The following C17orf107 variants were observed in gnomAD, a reference collection of about 807,000 sequenced individuals.
The protein encoded by C17orf107 is uncharacterized protein C17orf107.
In C17orf107, 9 loss-of-function variants were observed where a neutral mutation model predicts 8.9. The observed-to-expected ratio is 1.02, with a 90% CI of 0.61 to 1.77. The LOEUF (loss-of-function observed/expected upper bound fraction) is 1.77. C17orf107 is among the 40% of genes most tolerant of loss of function. The pLI is 0.00. For synonymous variants in C17orf107, 139 were observed against 120.3 expected (o/e 1.16, Z -1.02); for missense variants, 281 against 249.0 (o/e 1.13, Z -0.86).
chr17:4,902,099 G>C lies in C17orf107; in HGVS notation c.*1566G>C. ...ACTGGCCATCAATACTGTGGGCTCGGGGAAACCGAGCTTTTTGCACAGGTC... is the reference window on the plus strand; with the variant it reads ...ACTGGCCATCAATACTGTGGGCTCGCGGAAACCGAGCTTTTTGCACAGGTC... On this transcript the variant is annotated 3_prime_UTR_variant, in exon 3 of 3. Coordinates refer to ENST00000381365, the MANE Select transcript of C17orf107 (RefSeq NM_001145536.2). The surrounding 1 kb of genome is among the most constrained non-coding windows in gnomAD (Gnocchi z 4.0). 6.2e-7 allele frequency: 1 copy of C among 1,613,802 alleles called. No homozygotes were observed. Among genetic ancestry groups the C allele is most frequent in the South Asian group, 1.1e-5 (1 of 91,074 alleles).
chr17:4,901,883 G>GC lies in C17orf107; in HGVS notation c.*1350_*1351insC. The GC allele has an allele frequency of 8.2e-7, 1 of 1,215,806 alleles. No individual in the cohort carries two copies. 75.3% of individuals were successfully genotyped at this position (1,215,806 alleles called of 1,614,324 possible). The stretch of plus-strand genomic sequence containing the variant: ...CTTCCCGGTTGGCCCCGCCCCATAA[G>GC]GCCCCCCCCCAACAATAATCGTCCG... On this transcript the variant is annotated 3_prime_UTR_variant, in exon 3 of 3. Coordinates refer to ENST00000381365, the MANE Select transcript of C17orf107 (RefSeq NM_001145536.2).
At position 4,899,938 on chromosome 17, in the gene C17orf107, G is replaced by A; in HGVS notation, c.69G>A (p.Val23=). 6.5e-6 allele frequency: 10 copies of A among 1,550,386 alleles called. No individual in the cohort carries two copies. The highest frequency in any genetic ancestry group is 7.9e-6 in the Non-Finnish European group (9 of 1,146,278). The change falls in exon 2 of 3, where the codon GTG becomes GTA. Residue 23 remains valine (V), a splice_region_variant and synonymous_variant. Coordinates refer to ENST00000381365, the MANE Select transcript of C17orf107 (RefSeq NM_001145536.2). The part of the protein sequence containing the change: ...WIYHFHSSTE[V]ALQPPLLSSL... The stretch of plus-strand genomic sequence containing the variant: ...CTACTGCTCTGCTCCTTCTCCAGGT[G>A]GCCCTCCAGCCCCCGCTTCTGTCTT...
In C17orf107 at chr17:4,901,043, G is replaced by A. The variant is rs753951775; in HGVS notation, c.*510G>A. 3.1e-6 allele frequency: 5 copies of A among 1,613,914 alleles called. No individual in the cohort carries two copies. In the African/African-American group the frequency reaches 5.3e-5, roughly 17 times the overall value. ...CACCAGGCCCGAGATGAGCACACAG[G>A]GCACGATGATGTTAATGACGTAGAA... On this transcript the variant is annotated 3_prime_UTR_variant, in exon 3 of 3. Transcript: ENST00000381365.
downstream of C17orf107, among the ~76,000 whole-genome samples, chr17:4,906,038 T>C (rs543716360): frequency 7.2e-5 from 11 of 152,274 alleles, no homozygotes; most frequent in Middle Eastern, 3.4e-3. Context: ...TCCCCCTACT[T>C]TGCATGTCCC....
rs76421344 is a variant in C17orf107, at chr17:4,899,850, G to A, written c.66+22G>A. 2.1e-3 allele frequency: 3,312 copies of A among 1,551,020 alleles called. 68 individuals are homozygous for A. The African/African-American group carries it at 0.04, about 19-fold the overall frequency. On this transcript the variant is annotated intron_variant, in intron 1 of 2. Transcript: ENST00000381365. ...CGAGGTGAGGCTACGCCCGCCAAGG[G>A]CTGCACCTCGAGACCTTCTGGGTAG...
At chr17:4,906,652 A>G (rs1320137230), downstream of C17orf107, among the ~76,000 whole-genome samples, 1 of 152,180 alleles carries the variant, frequency 6.6e-6, no homozygotes, top group Non-Finnish European at 1.5e-5. Flanking sequence ...TGGGAGTTCA[A>G]GACCAGCCTG....
downstream of C17orf107, among the ~76,000 whole-genome samples, chr17:4,904,165 TTTTG>T (rs1567640979): frequency 6.6e-6 from 1 of 151,962 alleles, no homozygotes; most frequent in Non-Finnish European, 1.5e-5. Context: ...CCTCGATGTT[TTTTG>T]TTTTTCTGTT....
rs1480710584 is a variant in C17orf107 at position 4,900,406 on chromosome 17, A to G, written c.446A>G (p.Gln149Arg). 1 of 1,550,650 alleles carries G rather than the reference A, an allele frequency of 6.4e-7. No individual in the cohort carries two copies. The highest frequency in any genetic ancestry group is 2.0e-5 in the Admixed American group (1 of 50,988). The change falls in exon 3 of 3, where the codon CAG (glutamine) becomes CGG (arginine). Residue 149 changes from glutamine to arginine, a missense_variant. By Grantham distance (43) the Gln-to-Arg change is conservative. Transcript: ENST00000381365. ...AVGASARLLV[Q>R]GAWLCLCGRG... ...GGCGCCAGCGCCCGGCTCCTAGTCC[A>G]GGGAGCATGGCTATGCCTGTGTGGA...
downstream of C17orf107, chr17:4,902,989 C>T: frequency 1.2e-6 from 2 of 1,613,862 alleles, no homozygotes; most frequent in Non-Finnish European, 8.5e-7. This position sits in a 1 kb window ranked among gnomAD's most constrained non-coding sequence, Gnocchi z 4.0. Context: ...CTGTGTGTGT[C>T]CAATTGCCCC....
In C17orf107 at chr17:4,900,551, G is replaced by A; in HGVS notation, c.*18G>A. On this transcript the variant is annotated 3_prime_UTR_variant, in exon 3 of 3. Transcript: ENST00000381365. ...TGAGTTAGGGGCCAGAGGCGGCGGG[G>A]CTAGGGAGGCACTGAGCCGGACTGT... 6.4e-7 allele frequency: 1 copy of A among 1,550,436 alleles called. No individual in the cohort carries two copies. The highest frequency in any genetic ancestry group is 8.7e-7 in the Non-Finnish European group (1 of 1,146,932).
At position 4,899,583 on chromosome 17, in the gene C17orf107, C is replaced by T. The variant is rs1407243713; in HGVS notation, c.-180C>T. On this transcript the variant is annotated 5_prime_UTR_variant, in exon 1 of 3. Transcript: ENST00000381365. The stretch of plus-strand genomic sequence containing the variant: ...GACCACCATGACGAAAATAAGGAAC[C>T]TGAGGAGCCCGGAAGGCATGACATC... 4 of 1,573,604 alleles carry T rather than the reference C, an allele frequency of 2.5e-6. No homozygotes were observed. Among genetic ancestry groups the T allele is most frequent in the Non-Finnish European group, 2.6e-6 (3 of 1,158,780 alleles).
rs1969963663 is a variant in C17orf107, at chr17:4,900,964, G to A, written c.*431G>A. 9 of 1,613,974 alleles carry A rather than the reference G, an allele frequency of 5.6e-6. No individual in the cohort carries two copies. In the East Asian group the frequency reaches 6.7e-5, roughly 12 times the overall value. On this transcript the variant is annotated 3_prime_UTR_variant, in exon 3 of 3. Transcript: ENST00000381365. The stretch of plus-strand genomic sequence containing the variant: ...CCTCCCGGGAGCGAGCCCGGGTTTG[G>A]GGGTAGGTTCGGGGCCACTGCTTAC...
At position 4,900,612 on chromosome 17, in the gene C17orf107, C is replaced by T. The variant is rs1312564436; in HGVS notation, c.*79C>T. On this transcript the variant is annotated 3_prime_UTR_variant, in exon 3 of 3. Transcript: ENST00000381365. ...AGCTACTCGGGAGACCTCCAGGTGA[C>T]GTCCAGCAGCAGTGAGGAGGACGGC... The T allele has an allele frequency of 2.0e-6, 3 of 1,523,312 alleles. No homozygotes were observed. Among genetic ancestry groups the T allele is most frequent in the South Asian group, 1.2e-5 (1 of 83,280 alleles). The allele number at this position is 1,523,312 out of a possible 1,614,324, so 94.4% of individuals were successfully genotyped here. A position where few individuals can be genotyped will look rare whatever the true frequency, so the allele number is the denominator to read the frequency against.
At position 4,902,525 on chromosome 17, in the gene C17orf107, G is replaced by A. The variant is rs748430826; in HGVS notation, c.*1992G>A. On this transcript the variant is annotated 3_prime_UTR_variant, in exon 3 of 3. Transcript: ENST00000381365. The surrounding 1 kb of genome is among the most constrained non-coding windows in gnomAD (Gnocchi z 4.0). ...GATGGGAGATGGGGATGATTGAAGT[G>A]AGATTTCAGGGCCAGAAGTGAGCTT... is the stretch of plus-strand genomic sequence containing the variant. 1 of 1,614,174 alleles carries A rather than the reference G, an allele frequency of 6.2e-7. No individual in the cohort carries two copies. Among genetic ancestry groups the A allele is most frequent in the Non-Finnish European group, 8.5e-7 (1 of 1,180,026 alleles).
Position 4,901,788 on chromosome 17 carries a change from G to A in C17orf107, c.*1255G>A, listed in dbSNP as rs111897419. ...TGTTCCCATCTGTACCTCCGGCCGC[G>A]CTGGAGCGTCCCACCCAGTGCCTAC... On this transcript the variant is annotated 3_prime_UTR_variant, in exon 3 of 3. Transcript: ENST00000381365. The A allele has an allele frequency of 9.8e-6, 13 of 1,331,426 alleles. No homozygotes were observed. The highest frequency in any genetic ancestry group is 1.2e-5 in the South Asian group (1 of 83,114). 82.5% of individuals were successfully genotyped at this position (1,331,426 alleles called of 1,614,324 possible).
downstream of C17orf107, among the ~76,000 whole-genome samples, chr17:4,903,961 G>T (rs889743986): frequency 6.6e-6 from 1 of 152,116 alleles, no homozygotes; most frequent in African/African-American, 2.4e-5. Context: ...GGGTTCAAGC[G>T]ATTCTCCTGC....
In C17orf107 at chr17:4,900,287, G is replaced by A. The variant is rs771251219; in HGVS notation, c.327G>A (p.Ala109=). The part of the protein sequence containing the change: ...QQEARRLDGS[A]GPAPDGRDPG... Reference sequence around the variant, plus strand: ...AGGCGCGGCGACTAGACGGCAGCGCGGGCCCAGCCCCAGACGGCAGGGATC... The same window carrying A: ...AGGCGCGGCGACTAGACGGCAGCGCAGGCCCAGCCCCAGACGGCAGGGATC... The change falls in exon 3 of 3, where the codon GCG becomes GCA. Residue 109 remains alanine (A), a synonymous_variant. Transcript: ENST00000381365. 7.8e-6 allele frequency: 12 copies of A among 1,545,202 alleles called. No individual in the cohort carries two copies. Among genetic ancestry groups the A allele is most frequent in the Admixed American group, 5.9e-5 (3 of 50,948 alleles).
In C17orf107 at chr17:4,901,541, G is replaced by T; in HGVS notation, c.*1008G>T. ...GGGCTTCACCAGTATAGGCCTCTGT[G>T]TCGATGTCGATCTTGTTGATGGTCT... On this transcript the variant is annotated 3_prime_UTR_variant, in exon 3 of 3. Coordinates refer to ENST00000381365, the MANE Select transcript of C17orf107 (RefSeq NM_001145536.2). The T allele has an allele frequency of 6.2e-7, 1 of 1,614,172 alleles. No homozygotes were observed.
rs765175027 is a variant in C17orf107 at position 4,901,200 on chromosome 17, G to T, written c.*667G>T. 9 of 1,599,650 alleles carry T rather than the reference G, an allele frequency of 5.6e-6. No individual in the cohort carries two copies. In the South Asian group the frequency reaches 9.9e-5, roughly 18 times the overall value. Reference sequence around the variant, plus strand: ...GCCCACTCGCCGTTCTCTGCGGGACGGGGGCACGGTCAGCTGGCTGTCAGA... The same window carrying T: ...GCCCACTCGCCGTTCTCTGCGGGACTGGGGCACGGTCAGCTGGCTGTCAGA... On this transcript the variant is annotated 3_prime_UTR_variant, in exon 3 of 3. Transcript: ENST00000381365.
Sources: gnomAD v4.1 joint callset for allele counts (sites outside exome capture counted in the v4.1 genomes callset) on GRCh38, gnomAD v4.1.1 for gene constraint, Gnocchi (gnomAD v3.1) non-coding constraint, MANE v1.5 for transcripts, NCBI Gene and HGNC (gene_info 2026-07-23, HGNC 2026-07-21) for gene names.